The following UGGT1 variants were observed in gnomAD, a reference collection of about 807,000 sequenced individuals.
UGGT1 encodes the protein UDP-glucose glycoprotein glucosyltransferase 1.
Under a neutral mutation model 203.9 loss-of-function variants are expected in UGGT1, and 107 were observed. The ratio of observed to expected loss-of-function variants is 0.52; its 90% CI spans 0.45 to 0.62. The LOEUF (loss-of-function observed/expected upper bound fraction) is 0.62. Ranked by LOEUF, UGGT1 falls within the 20% of genes least tolerant of loss-of-function variation. UGGT1 has a pLI of 0.00. For missense variants in UGGT1, 1,673 were observed against 1,867.2 expected (o/e 0.90, Z 1.92); for synonymous variants, 628 against 653.5 (o/e 0.96, Z 0.59).
chr2:128,095,389 C>CT (rs1196656115), intron 1 of UGGT1, among the ~76,000 whole-genome samples: 2 of 147,916 alleles, frequency 1.4e-5, no homozygotes, highest in East Asian at 2.0e-4. Context: ...CTTCCCCTTC[C>CT]CCTTCTCCTT....
rs1318475412 is a variant in UGGT1 at position 128,186,572 on chromosome 2, A to G, written c.4360-111A>G. 7.6e-6 allele frequency: 6 copies of G among 789,282 alleles called. No individual in the cohort carries two copies. In the Admixed American group the frequency reaches 8.0e-5, roughly 11 times the overall value. The allele number at this position is 789,282 out of a possible 1,614,324, so 48.9% of individuals were successfully genotyped here. ...CAGTGAGCCGAGATCGTACTACTGC[A>G]CTCCAACCTGGGTGACAGAGTGGGA... On this transcript the variant is annotated intron_variant, in intron 38 of 40. Transcript: ENST00000259253.
In UGGT1 at chr2:128,190,184, C is replaced by T. The variant is rs141943273; in HGVS notation, c.*442C>T. 100 of 158,790 alleles carry T rather than the reference C, an allele frequency of 6.3e-4. No individual in the cohort carries two copies. Among genetic ancestry groups the T allele is most frequent in the African/African-American group, 2.2e-3 (93 of 41,740 alleles). 9.8% of individuals were successfully genotyped at this position (158,790 alleles called of 1,614,324 possible). A position where few individuals can be genotyped will look rare whatever the true frequency, so the allele number is the denominator to read the frequency against. On this transcript the variant is annotated 3_prime_UTR_variant, in exon 41 of 41. Transcript: ENST00000259253. ...ATGCCCACCCTGCCCTGGGTCTGGCCGGCGGAAGCTCTGTCCAAGGTCCAC... is the reference window on the plus strand; with the variant it reads ...ATGCCCACCCTGCCCTGGGTCTGGCTGGCGGAAGCTCTGTCCAAGGTCCAC...
chr2:128,180,507 G>T (rs1273679187), intron 35 of UGGT1, among the ~76,000 whole-genome samples: 1 of 152,220 alleles, frequency 6.6e-6, no homozygotes, highest in Non-Finnish European at 1.5e-5. Flanking sequence ...GCTTTGCAGT[G>T]TTATTCCCTG....
intron 13 of UGGT1, among the ~76,000 whole-genome samples, chr2:128,131,251 A>G (rs957315624): frequency 6.8e-6 from 1 of 147,856 alleles, no homozygotes; most frequent in African/African-American, 2.5e-5. Flanking sequence ...AAAAAAAAAA[A>G]AAAAAAAATT....
chr2:128,178,050 A>G (rs1691485820), intron 33 of UGGT1, 130 bp downstream of exon 33: 3 of 756,988 alleles, frequency 4.0e-6, no homozygotes, highest in East Asian at 2.9e-5. Flanking sequence ...TACATCTCAC[A>G]CTTATATTTG....
intron 15 of UGGT1, among the ~76,000 whole-genome samples, chr2:128,137,016 A>G (rs1429454548): frequency 6.6e-6 from 1 of 152,142 alleles, no homozygotes; most frequent in African/African-American, 2.4e-5. Flanking sequence ...TGTTTGGTGA[A>G]GTGTCTGTTC....
rs765347260 is a variant in UGGT1, at chr2:128,120,369, G to A, written c.886G>A (p.Asp296Asn). 3.7e-6 allele frequency: 6 copies of A among 1,613,548 alleles called. No homozygotes were observed. Among genetic ancestry groups the A allele is most frequent in the South Asian group, 3.3e-5 (3 of 91,002 alleles). ...LFGKLRDLHP[D>N]LEGQLKELRK... ...TGTTTCTTTTAGAGATCTGCACCCC[G>A]ACCTGGAGGGACAGTTGAAAGAACT... Residue 296 changes from aspartate to asparagine, a missense_variant, in exon 9 of 41, where the codon GAC becomes AAC. Coordinates refer to ENST00000259253, the MANE Select transcript of UGGT1 (RefSeq NM_020120.4).
intron 35 of UGGT1, among the ~76,000 whole-genome samples, chr2:128,180,079 G>A (rs1311256588): frequency 6.6e-6 from 1 of 152,196 alleles, no homozygotes; most frequent in Non-Finnish European, 1.5e-5. Context: ...TGGATGATAT[G>A]GTAGGAGAGT....
intron 25 of UGGT1, among the ~76,000 whole-genome samples, chr2:128,163,911 G>A (rs1272901572): frequency 2.6e-5 from 4 of 152,130 alleles, no homozygotes; most frequent in Admixed American, 6.5e-5. Flanking sequence ...GGGCACGGTG[G>A]CTCACACCTG....
chr2:128,162,870 A>G (rs1158761670), intron 25 of UGGT1, among the ~76,000 whole-genome samples: 1 of 152,138 alleles, frequency 6.6e-6, no homozygotes, highest in African/African-American at 2.4e-5. Context: ...TCCTGGGTGA[A>G]TTTAGGGAAA....
chr2:128,128,309 T>A (rs1217745818), intron 12 of UGGT1, among the ~76,000 whole-genome samples: 6 of 112,896 alleles, frequency 5.3e-5, no homozygotes, highest in Non-Finnish European at 7.2e-5. Context: ...TCTCCTTCCT[T>A]TCTATCTTTT....
intron 15 of UGGT1, among the ~76,000 whole-genome samples, chr2:128,137,949 C>G (rs951938599): frequency 8.5e-5 from 13 of 152,048 alleles, no homozygotes; most frequent in Admixed American, 6.5e-4. Context: ...TTGGTTATTG[C>G]TTTTTGTCGT....
At position 128,132,569 on chromosome 2, in the gene UGGT1, A is replaced by C. The variant is rs74874360; in HGVS notation, c.1378-572A>C. Among the ~76,000 whole-genome samples, 781 of 152,244 alleles carry C rather than the reference A, an allele frequency of 5.1e-3. 5 individuals are homozygous for C. The highest frequency in any genetic ancestry group is 0.013 in the African/African-American group (548 of 41,554). Reference sequence around the variant, plus strand: ...TCAAAAACAAAAACAAACAAACAAAAAAAATTTCGCTTCTTTCTTTTATTT... The same window carrying C: ...TCAAAAACAAAAACAAACAAACAAACAAAATTTCGCTTCTTTCTTTTATTT... On this transcript the variant is annotated intron_variant, in intron 13 of 40. Coordinates refer to ENST00000259253, the MANE Select transcript of UGGT1 (RefSeq NM_020120.4).
At chr2:128,094,274 T>G (rs1482493225) in intron 1 of UGGT1, among the ~76,000 whole-genome samples, 1 of 152,130 alleles carries the variant, frequency 6.6e-6, no homozygotes, top group Non-Finnish European at 1.5e-5. Flanking sequence ...AGAAAAACTC[T>G]GTAACTTTTG....
rs1028592829 is a variant in UGGT1 at position 128,105,374 on chromosome 2, C to T, written c.277+1360C>T. On this transcript the variant is annotated intron_variant, in intron 3 of 40. Transcript: ENST00000259253. ...ATTTTTTTTTGTGGAGACAGGGTCT[C>T]GCTGTGTTGCCCAGGCTGGTCTCAG... Among the ~76,000 whole-genome samples the T allele has an allele frequency of 1.7e-4, 25 of 151,362 alleles. 1 individual carries two copies. The East Asian group carries it at 3.5e-3, about 21-fold the overall frequency.
chr2:128,176,718 C>T lies in UGGT1; in HGVS notation c.3540-96C>T, dbSNP rs1691414743. On this transcript the variant is annotated intron_variant, in intron 31 of 40. Transcript: ENST00000259253. ...GAAGATAGCTGGATCTGGAAAACTC[C>T]TTTATGAGAAGGATGATGGACTCAG... 5 of 1,197,772 alleles carry T rather than the reference C, an allele frequency of 4.2e-6. No homozygotes were observed. In the African/African-American group the frequency reaches 6.2e-5, roughly 15 times the overall value. 74.2% of individuals were successfully genotyped at this position (1,197,772 alleles called of 1,614,324 possible).
chr2:128,157,328 T>C lies in UGGT1; in HGVS notation c.2337T>C (p.Tyr779=), dbSNP rs2104729016. Residue 779 remains tyrosine, a synonymous_variant, in exon 22 of 41, where the codon TAT becomes TAC. Transcript: ENST00000259253. ...FDSPSGRQLL[Y]DAIKHQKSSN... is the part of the protein sequence containing the mutation. ...GCCCTTCTGGACGGCAGTTACTGTATGATGCCATCAAACATCAGGCAAGTA... is the reference window on the plus strand; with the variant it reads ...GCCCTTCTGGACGGCAGTTACTGTACGATGCCATCAAACATCAGGCAAGTA... 1.9e-6 allele frequency: 3 copies of C among 1,614,096 alleles called. No homozygotes were observed. The highest frequency in any genetic ancestry group is 1.1e-5 in the South Asian group (1 of 91,084).
In UGGT1 at chr2:128,120,538, TG is replaced by T. The variant is rs769278768; in HGVS notation, c.973+83del. ...AAAAAATGCAAAATTTGAATTTAAT[TG>T]TATGTAGTACGTGATTCTGAAGGTG... On this transcript the variant is annotated intron_variant, in intron 9 of 40. Coordinates refer to ENST00000259253, the MANE Select transcript of UGGT1 (RefSeq NM_020120.4). The T allele has an allele frequency of 9.1e-4, 955 of 1,050,226 alleles. 3 individuals carry two copies. The highest frequency in any genetic ancestry group is 1.2e-3 in the Non-Finnish European group (836 of 681,768). The allele number at this position is 1,050,226 out of a possible 1,614,324, so 65.1% of individuals were successfully genotyped here.
chr2:128,130,452 T>G (rs554053273), intron 13 of UGGT1, among the ~76,000 whole-genome samples: 1 of 152,314 alleles, frequency 6.6e-6, no homozygotes, highest in African/African-American at 2.4e-5. Flanking sequence ...CTTGGTGATA[T>G]AACTTATTTT....
Sources: gnomAD v4.1 joint callset for allele counts (sites outside exome capture counted in the v4.1 genomes callset) on GRCh38, gnomAD v4.1.1 for gene constraint, MANE v1.5 for transcripts, NCBI Gene and HGNC (gene_info 2026-07-23, HGNC 2026-07-21) for gene names.